The following SORL1 variants were observed in gnomAD, a reference collection of about 807,000 sequenced individuals.
SORL1 encodes sortilin-related receptor.
In SORL1, 127 loss-of-function variants were observed where a neutral mutation model predicts 273.7. The ratio of observed to expected loss-of-function variants is 0.46; its 90% CI spans 0.40 to 0.54. The LOEUF (loss-of-function observed/expected upper bound fraction) is 0.54. Ranked by LOEUF, SORL1 falls within the 20% of genes least tolerant of loss-of-function variation. The pLI is 0.00. For missense variants in SORL1, 2,494 were observed against 2,846.1 expected (o/e 0.88, Z 2.81); for synonymous variants, 1,031 against 1,067.4 (o/e 0.97, Z 0.66).
chr11:121,543,211 A>G (rs1358885840), intron 12 of SORL1, among the ~76,000 whole-genome samples: 1 of 151,128 alleles, frequency 6.6e-6, no homozygotes, highest in Non-Finnish European at 1.5e-5. Context: ...AAAAAAAAAA[A>G]GAAAAAAATT....
At chr11:121,454,434 A>C (rs972154298) in intron 1 of SORL1, among the ~76,000 whole-genome samples, 21 of 152,356 alleles carry the variant, frequency 1.4e-4, no homozygotes, top group Admixed American at 1.2e-3. Context: ...GATGTGGGGC[A>C]GGTTGGACAT....
intron 25 of SORL1, among the ~76,000 whole-genome samples, chr11:121,579,114 T>C (rs1188742326): frequency 6.6e-6 from 1 of 151,514 alleles, no homozygotes; most frequent in Non-Finnish European, 1.5e-5. Flanking sequence ...CAGAATGAAT[T>C]GATTACTTCA....
At chr11:121,537,736 T>C (rs1321981359) in intron 12 of SORL1, among the ~76,000 whole-genome samples, 1 of 152,230 alleles carries the variant, frequency 6.6e-6, no homozygotes, top group Non-Finnish European at 1.5e-5. Flanking sequence ...TTTGGGACAG[T>C]TTGCTGTTCA....
intron 32 of SORL1, among the ~76,000 whole-genome samples, chr11:121,597,720 A>G (rs1435667464): frequency 6.6e-6 from 1 of 152,196 alleles, no homozygotes; most frequent in Non-Finnish European, 1.5e-5. Flanking sequence ...TTGGCCTCCC[A>G]AAGTGCTGGG....
chr11:121,482,081 A>T (rs1361357330), intron 3 of SORL1, among the ~76,000 whole-genome samples: 1 of 152,202 alleles, frequency 6.6e-6, no homozygotes, highest in African/African-American at 2.4e-5. Context: ...TGTGGTGAAC[A>T]ACTGCTAAGG....
intron 22 of SORL1, among the ~76,000 whole-genome samples, chr11:121,567,550 C>T (rs112439177): frequency 2.3e-4 from 35 of 152,340 alleles, no homozygotes; most frequent in South Asian, 8.3e-4. Flanking sequence ...TCTCACCTAA[C>T]GGTTGTCCAT....
intron 12 of SORL1, among the ~76,000 whole-genome samples, chr11:121,540,248 T>C (rs2134881713): frequency 6.6e-6 from 1 of 152,248 alleles, no homozygotes; most frequent in South Asian, 2.1e-4. Flanking sequence ...ATATTATGTT[T>C]TATTATTATA....
rs1296812536 is a variant in SORL1, at chr11:121,570,234, A to G, written c.3301A>G (p.Asn1101Asp). 1 of 1,613,984 alleles carries G rather than the reference A, an allele frequency of 6.2e-7. No individual in the cohort carries two copies. Among genetic ancestry groups the G allele is most frequent in the Non-Finnish European group, 8.5e-7 (1 of 1,179,848 alleles). The change falls in exon 23 of 48, where the codon AAC becomes GAC. Residue 1101 changes from asparagine (N) to aspartate (D), a missense_variant. Transcript: ENST00000260197. ...INSIWWCDFDNDCGDMSDERN... is the reference protein window; with the variant it reads ...INSIWWCDFDDDCGDMSDERN... ...CAGCATTTGGTGGTGTGACTTTGAC[A>G]ACGACTGTGGAGACATGAGCGATGA...
intron 20 of SORL1, among the ~76,000 whole-genome samples, 178 bp from the exon 21 acceptor site, chr11:121,559,341 T>C (rs1862638675): frequency 6.6e-6 from 1 of 152,040 alleles, no homozygotes; most frequent in African/African-American, 2.4e-5. Flanking sequence ...TTCTGTGGGG[T>C]TATATGGTGA....
intron 12 of SORL1, among the ~76,000 whole-genome samples, chr11:121,534,393 A>G (rs1316244381): frequency 6.6e-6 from 1 of 152,218 alleles, no homozygotes. Context: ...GATCAGGAAA[A>G]TAAACTTGCT....
chr11:121,542,631 ACT>A (rs1217204046), intron 12 of SORL1, among the ~76,000 whole-genome samples: 1 of 151,390 alleles, frequency 6.6e-6, no homozygotes, highest in Non-Finnish European at 1.5e-5. Context: ...TAAGATTGTG[ACT>A]CTCTGATCAT....
chr11:121,525,645 A>G (rs1049190747), intron 11 of SORL1, among the ~76,000 whole-genome samples: 1 of 152,156 alleles, frequency 6.6e-6, no homozygotes, highest in African/African-American at 2.4e-5. Flanking sequence ...ATAATATCTC[A>G]TTGTAGTTGT....
Position 121,452,503 on chromosome 11 carries a change from C to G in SORL1, c.172C>G (p.Leu58Val). ...CGTGGTGCAGGGCGACCCGCGCGAG[C>G]TGCGGCTGTGGGCGCGCGGGGATGC... is the stretch of plus-strand genomic sequence containing the variant. ...FLVVQGDPRE[L>V]RLWARGDARG... The change falls in exon 1 of 48, where the codon CTG becomes GTG. Residue 58 changes from leucine (L) to valine (V), a missense_variant. Leu to Val is a conservative substitution (Grantham distance 32). Coordinates refer to ENST00000260197, the MANE Select transcript of SORL1 (RefSeq NM_003105.6). This position sits in a 1 kb window ranked among gnomAD's most constrained non-coding sequence, Gnocchi z 5.3. The G allele has an allele frequency of 6.8e-7, 1 of 1,479,968 alleles. No homozygotes were observed. Among genetic ancestry groups the G allele is most frequent in the South Asian group, 1.3e-5 (1 of 77,778 alleles). 91.7% of individuals were successfully genotyped at this position (1,479,968 alleles called of 1,614,324 possible). A position where few individuals can be genotyped will look rare whatever the true frequency, so the allele number is the denominator to read the frequency against.
rs1426668204 is a variant in SORL1 at position 121,583,602 on chromosome 11, G to C, written c.3706+19G>C. 6 of 1,595,386 alleles carry C rather than the reference G, an allele frequency of 3.8e-6. No individual in the cohort carries two copies. The highest frequency in any genetic ancestry group is 5.1e-6 in the Non-Finnish European group (6 of 1,170,884). ...AACTGTGGTAAATGCAAATTCCCCA[G>C]CTCCCTCCCTGAGCCTCCCCAGTGT... is the stretch of plus-strand genomic sequence containing the variant. On this transcript the variant is annotated intron_variant, in intron 26 of 47. Transcript: ENST00000260197.
chr11:121,620,805 G>A (rs1762413154), intron 43 of SORL1, among the ~76,000 whole-genome samples: 2 of 152,188 alleles, frequency 1.3e-5, no homozygotes, highest in Non-Finnish European at 1.5e-5. Context: ...CTGATGTCAC[G>A]ATAAATGTGG....
intron 24 of SORL1, among the ~76,000 whole-genome samples, chr11:121,575,339 CATT>C (rs1353560066): frequency 6.6e-6 from 1 of 152,220 alleles, no homozygotes; most frequent in Non-Finnish European, 1.5e-5. Context: ...CCGAAGGAGA[CATT>C]ATGCAATCAG....
At chr11:121,481,624 C>T (rs1419268256) in intron 3 of SORL1, among the ~76,000 whole-genome samples, 1 of 121,462 alleles carries the variant, frequency 8.2e-6, no homozygotes, top group African/African-American at 3.6e-5. Flanking sequence ...GGCTTCATCT[C>T]CCCAGCTCCT....
At chr11:121,604,524 C>G (rs1305416505) in intron 33 of SORL1, among the ~76,000 whole-genome samples, 200 bp downstream of exon 33, 4 of 151,744 alleles carry the variant, frequency 2.6e-5, no homozygotes, top group African/African-American at 4.8e-5. Context: ...GCAGCTGTCT[C>G]CTCCCTGTTA....
At chr11:121,551,698 A>AGGCAG (rs1862509705) in intron 16 of SORL1, among the ~76,000 whole-genome samples, 1 of 152,238 alleles carries the variant, frequency 6.6e-6, no homozygotes, top group Admixed American at 6.5e-5. Flanking sequence ...TGGTCTCCAC[A>AGGCAG]GGCAGGGCAG....
Sources: gnomAD v4.1 joint callset for allele counts (sites outside exome capture counted in the v4.1 genomes callset) on GRCh38, gnomAD v4.1.1 for gene constraint, Gnocchi (gnomAD v3.1) non-coding constraint, MANE v1.5 for transcripts, NCBI Gene and HGNC (gene_info 2026-07-23, HGNC 2026-07-21) for gene names.